Variants in OTUD7A observed in about 807,000 individuals in gnomAD.
OTUD7A encodes the protein OTU domain-containing protein 7A.
OTUD7A carries 12 observed loss-of-function variants against 65.7 expected under a neutral mutation model. That is an observed-to-expected ratio of 0.18 (90% confidence interval 0.12 to 0.30). The LOEUF is 0.30. Ranked by LOEUF, OTUD7A falls within the 10% of genes least tolerant of loss-of-function variation. The probability of loss-of-function intolerance (pLI) is 1.00; values close to 1 mark genes in which losing one functional copy is unlikely to be tolerated. For missense variants in OTUD7A, 1,148 were observed against 1,304.8 expected (o/e 0.88, Z 1.85); for synonymous variants, 641 against 586.3 (o/e 1.09, Z -1.35).
At position 31,500,774 on chromosome 15, in the gene OTUD7A, G is replaced by T. The variant is rs148815743; in HGVS notation, c.1171+916C>A. Among the ~76,000 whole-genome samples, 354 of 152,336 alleles carry T rather than the reference G, an allele frequency of 2.3e-3. 1 individual carries two copies. The highest frequency in any genetic ancestry group is 8.1e-3 in the African/African-American group (336 of 41,580). On this transcript the variant is annotated intron_variant, in intron 10 of 12. Coordinates refer to ENST00000307050, the MANE Select transcript of OTUD7A (RefSeq NM_001382637.1). ...CTTCCCCCTGTTGGCCCTGGACAGG[G>T]CACTTCCCATTCTCTGGGACCATAC...
At chr15:31,565,497 C>A (rs917873626) in intron 4 of OTUD7A, among the ~76,000 whole-genome samples, 1 of 152,116 alleles carries the variant, frequency 6.6e-6, no homozygotes, top group African/African-American at 2.4e-5. Context: ...GATAGAAGAA[C>A]AATATTATAA....
intron 1 of OTUD7A, among the ~76,000 whole-genome samples, chr15:31,770,226 AAGAGGGGACAC>A (rs1895197701): frequency 1.3e-5 from 2 of 152,186 alleles, no homozygotes; most frequent in African/African-American, 4.8e-5. Context: ...TCATGAATGA[AAGAGGGGACAC>A]TGCTATCAAA....
intron 1 of OTUD7A, among the ~76,000 whole-genome samples, chr15:31,737,809 C>T (rs554908780): frequency 2.5e-4 from 38 of 152,318 alleles, no homozygotes; most frequent in Non-Finnish European, 4.3e-4. Flanking sequence ...ACTGGATTTG[C>T]TCATCTGGAA....
intron 1 of OTUD7A, among the ~76,000 whole-genome samples, chr15:31,859,047 T>G (rs754788002): frequency 6.6e-6 from 1 of 152,258 alleles, no homozygotes; most frequent in Non-Finnish European, 1.5e-5. Context: ...CAAAAGTATT[T>G]TGCAAACTGC....
intron 3 of OTUD7A, among the ~76,000 whole-genome samples, chr15:31,643,963 C>T (rs551352684): frequency 2.0e-5 from 3 of 152,294 alleles, no homozygotes; most frequent in Non-Finnish European, 4.4e-5. Context: ...CTGGAGCTTG[C>T]ACGGGGGGAT....
intron 1 of OTUD7A, among the ~76,000 whole-genome samples, chr15:31,841,537 G>A (rs1208886789): frequency 6.6e-6 from 1 of 152,128 alleles, no homozygotes; most frequent in African/African-American, 2.4e-5. Flanking sequence ...GGGACAGCAT[G>A]TGCTCCGCTG....
intron 1 of OTUD7A, among the ~76,000 whole-genome samples, chr15:31,731,795 G>A (rs1452522735): frequency 1.3e-5 from 2 of 152,140 alleles, no homozygotes; most frequent in Admixed American, 1.3e-4. Flanking sequence ...GTCTATGCAT[G>A]TGTGGGGTTG....
intron 1 of OTUD7A, among the ~76,000 whole-genome samples, chr15:31,687,790 G>A (rs771027648): frequency 1.3e-5 from 2 of 152,156 alleles, no homozygotes; most frequent in African/African-American, 2.4e-5. Context: ...ATAAACTAAT[G>A]GGTTAAAAAT....
At chr15:31,853,884 T>A (rs913539774) in intron 1 of OTUD7A, among the ~76,000 whole-genome samples, 5 of 152,102 alleles carry the variant, frequency 3.3e-5, no homozygotes, top group African/African-American at 1.2e-4. Context: ...GCAACCAGCA[T>A]GGGAATCAGG....
intron 1 of OTUD7A, among the ~76,000 whole-genome samples, chr15:31,758,621 A>C (rs1269031820): frequency 6.6e-6 from 1 of 152,224 alleles, no homozygotes; most frequent in African/African-American, 2.4e-5. Context: ...TCACAAAACT[A>C]ATATGTTCTA....
rs867961990 is a variant in OTUD7A at position 31,526,473 on chromosome 15, G to A, written c.781-12C>T. ...TACACCAGCCCTGACTGGCAGAGGG[G>A]AGCCGGCTCAGAAGGGGGGTGGGCC... On this transcript the variant is annotated splice_polypyrimidine_tract_variant and intron_variant, in intron 7 of 12. Coordinates refer to ENST00000307050, the MANE Select transcript of OTUD7A (RefSeq NM_001382637.1). 1.3e-6 allele frequency: 2 copies of A among 1,563,838 alleles called. No homozygotes were observed. The highest frequency in any genetic ancestry group is 1.7e-6 in the Non-Finnish European group (2 of 1,159,206).
At chr15:31,571,401 G>A (rs1352949937) in intron 3 of OTUD7A, among the ~76,000 whole-genome samples, 1 of 152,192 alleles carries the variant, frequency 6.6e-6, no homozygotes, top group African/African-American at 2.4e-5. Context: ...CTGGAAGACT[G>A]GGGCAGCCAC....
intron 3 of OTUD7A, among the ~76,000 whole-genome samples, chr15:31,596,120 G>C (rs1889896254): frequency 6.6e-6 from 1 of 152,082 alleles, no homozygotes; most frequent in African/African-American, 2.4e-5. Flanking sequence ...CTTCGCAGTG[G>C]TAACCAGAGC....
chr15:31,825,465 C>G (rs1896776059), intron 1 of OTUD7A, among the ~76,000 whole-genome samples: 1 of 152,196 alleles, frequency 6.6e-6, no homozygotes, highest in Non-Finnish European at 1.5e-5. Context: ...GAAACTGCCC[C>G]CAGGATTCAG....
chr15:31,736,290 T>C (rs1476915205), intron 1 of OTUD7A, among the ~76,000 whole-genome samples: 8 of 152,194 alleles, frequency 5.3e-5, no homozygotes, highest in African/African-American at 1.9e-4. Flanking sequence ...TGGGTGAGGG[T>C]AACTCCACCC....
chr15:31,657,429 T>C (rs1416742757), intron 1 of OTUD7A, among the ~76,000 whole-genome samples: 5 of 151,850 alleles, frequency 3.3e-5, no homozygotes, highest in Non-Finnish European at 7.4e-5. Flanking sequence ...CGATCTCGGC[T>C]CACTGGAAGC....
chr15:31,814,088 C>T (rs549304613), intron 1 of OTUD7A, among the ~76,000 whole-genome samples: 1 of 152,358 alleles, frequency 6.6e-6, no homozygotes, highest in East Asian at 1.9e-4. Flanking sequence ...ACCCTAGTAG[C>T]TCATACCCAC....
chr15:31,753,866 TCTGGGTAGATACCAAGCAGTGGGATTG>T (rs1048818749), intron 1 of OTUD7A, among the ~76,000 whole-genome samples: 2 of 151,582 alleles, frequency 1.3e-5, no homozygotes, highest in African/African-American at 4.8e-5. Context: ...ATGACTTTTC[TCTGGGTAGATACCAAGCAGTGGGATTG>T]CTGGATCAAG....
chr15:31,620,588 G>T (rs1425501314), intron 3 of OTUD7A, among the ~76,000 whole-genome samples: 2 of 148,516 alleles, frequency 1.3e-5, no homozygotes, highest in Non-Finnish European at 3.0e-5. Context: ...ATGGTAGTTT[G>T]TATTTCTGTG....
Sources: gnomAD v4.1 joint callset for allele counts (sites outside exome capture counted in the v4.1 genomes callset) on GRCh38, gnomAD v4.1.1 for gene constraint, MANE v1.5 for transcripts, NCBI Gene and HGNC (gene_info 2026-07-23, HGNC 2026-07-21) for gene names.